The following OPCML variants were observed in gnomAD, a reference collection of about 807,000 sequenced individuals.
OPCML encodes opioid-binding protein/cell adhesion molecule.
Under a neutral mutation model 37.8 loss-of-function variants are expected in OPCML, and 13 were observed. The observed-to-expected ratio is 0.34, with a 90% CI of 0.22 to 0.55. The LOEUF (loss-of-function observed/expected upper bound fraction) is 0.55, where lower values mean the gene tolerates loss of function less well. OPCML is among the 20% of genes least tolerant of loss of function. The pLI, the probability that OPCML is intolerant of heterozygous loss-of-function variation, is 0.91. For missense variants in OPCML, 341 were observed against 435.6 expected, an observed-to-expected ratio of 0.78 and a Z score of 1.93; for synonymous variants, 176 against 168.8, an observed-to-expected ratio of 1.04 and a Z score of -0.33.
intron 4 of OPCML, among the ~76,000 whole-genome samples, chr11:132,519,368 G>C (rs574182740): frequency 6.6e-6 from 1 of 151,992 alleles, no homozygotes; most frequent in Non-Finnish European, 1.5e-5. Context: ...GCACAGTGAC[G>C]CTTGCTGAAG....
chr11:132,693,813 C>T (rs1310190207), intron 2 of OPCML, among the ~76,000 whole-genome samples: 1 of 152,072 alleles, frequency 6.6e-6, no homozygotes, highest in African/African-American at 2.4e-5. Context: ...ATTCCTTTCT[C>T]TTTTATTGGG....
chr11:132,657,028 A>T (rs1436830652), intron 3 of OPCML, 59 bp downstream of exon 3: 1 of 1,584,294 alleles, frequency 6.3e-7, no homozygotes, highest in African/African-American at 1.3e-5. Flanking sequence ...AAACACCAAC[A>T]CTGTTCTTCC....
At chr11:132,691,819 C>A (rs754582276) in intron 2 of OPCML, among the ~76,000 whole-genome samples, 5 of 152,210 alleles carry the variant, frequency 3.3e-5, no homozygotes, top group Non-Finnish European at 7.3e-5. Context: ...CATGTCTCTT[C>A]TTTTTCCAGA....
intron 3 of OPCML, among the ~76,000 whole-genome samples, chr11:132,535,931 T>C (rs78593755): frequency 0.013 from 1,950 of 152,290 alleles, 41 homozygotes; most frequent in African/African-American, 0.039. Flanking sequence ...TGTCAAGAAC[T>C]CCCACGTTGT....
chr11:133,513,286 T>C (rs1264313545), intron 1 of OPCML, among the ~76,000 whole-genome samples: 3 of 152,218 alleles, frequency 2.0e-5, no homozygotes, highest in Non-Finnish European at 4.4e-5. Context: ...TTTTCTGACA[T>C]TTAAATGACA....
At chr11:133,493,488 A>T (rs1356754940) in intron 1 of OPCML, among the ~76,000 whole-genome samples, 1 of 152,172 alleles carries the variant, frequency 6.6e-6, no homozygotes, top group Non-Finnish European at 1.5e-5. Context: ...TAAACATAGC[A>T]TTTTATAACC....
chr11:133,364,854 G>A (rs535685675), intron 1 of OPCML, among the ~76,000 whole-genome samples: 2 of 152,238 alleles, frequency 1.3e-5, no homozygotes, highest in South Asian at 4.1e-4. Flanking sequence ...TGTGGGGGGT[G>A]TGTGGTGAGG....
chr11:132,711,904 C>A (rs747956221), intron 2 of OPCML, among the ~76,000 whole-genome samples: 53 of 152,286 alleles, frequency 3.5e-4, no homozygotes, highest in Non-Finnish European at 6.8e-4. Flanking sequence ...ATGGTATACA[C>A]AAGGATTAAC....
Position 133,493,041 on chromosome 11 carries a change from C to T in OPCML, c.61+39223G>A, listed in dbSNP as rs1947699969. Among the ~76,000 whole-genome samples the T allele has an allele frequency of 2.0e-5, 3 of 152,168 alleles. No homozygotes were observed. The South Asian group carries it at 6.2e-4, about 32-fold the overall frequency. ...GGACCACCTGTCAGTCCTTCGGAGC[C>T]CAGTATCTGCATCTCAAACTGAGGG... On this transcript the variant is annotated intron_variant, in intron 1 of 7. Coordinates refer to ENST00000524381, the MANE Select transcript of OPCML (RefSeq NM_001012393.5).
At chr11:133,238,525 C>T (rs1037699778) in intron 1 of OPCML, among the ~76,000 whole-genome samples, 4 of 152,126 alleles carry the variant, frequency 2.6e-5, no homozygotes, top group Admixed American at 6.5e-5. Context: ...TTAGAATCAC[C>T]GGTGTGGCTC....
intron 2 of OPCML, among the ~76,000 whole-genome samples, chr11:132,708,331 C>T (rs776041752): frequency 6.6e-6 from 1 of 152,156 alleles, no homozygotes; most frequent in East Asian, 1.9e-4. Flanking sequence ...TCCCAACATA[C>T]ATACACTTTC....
intron 4 of OPCML, among the ~76,000 whole-genome samples, chr11:132,446,999 G>A (rs1252627626): frequency 2.0e-5 from 3 of 152,282 alleles, no homozygotes; most frequent in South Asian, 2.1e-4. Context: ...ACCTAAGGGC[G>A]CTTTGGCAAA....
intron 1 of OPCML, among the ~76,000 whole-genome samples, chr11:133,333,440 T>C (rs1179565510): frequency 6.6e-6 from 1 of 152,064 alleles, no homozygotes; most frequent in Non-Finnish European, 1.5e-5. Flanking sequence ...TAGCTAGCCA[T>C]ATGCAGAAGA....
rs1210742440 is a variant in OPCML, at chr11:133,458,725, A to C, written c.61+73539T>G. ...CACATAGATGCACGTGTGTGTATATATACACATAGATGCACGTGTGTGTAT... is the reference window on the plus strand; with the variant it reads ...CACATAGATGCACGTGTGTGTATATCTACACATAGATGCACGTGTGTGTAT... On this transcript the variant is annotated intron_variant, in intron 1 of 7. Transcript: ENST00000524381. 4.2e-5 allele frequency among the ~76,000 whole-genome samples: 6 copies of C among 143,138 alleles called. 1 individual carries two copies. Among genetic ancestry groups the C allele is most frequent in the South Asian group, 4.3e-4 (2 of 4,646 alleles). The allele number at this position is 143,138 out of a possible 152,430, so 93.9% of individuals were successfully genotyped here. A position where few individuals can be genotyped will look rare whatever the true frequency, so the allele number is the denominator to read the frequency against.
chr11:133,524,238 C>A (rs1193947777), intron 1 of OPCML, among the ~76,000 whole-genome samples: 1 of 152,182 alleles, frequency 6.6e-6, no homozygotes, highest in African/African-American at 2.4e-5. Context: ...ACAGCAAGAC[C>A]GTGAAATAGG....
chr11:132,633,827 T>C (rs1231664680), intron 3 of OPCML, among the ~76,000 whole-genome samples: 1 of 152,002 alleles, frequency 6.6e-6, no homozygotes, highest in Non-Finnish European at 1.5e-5. Context: ...GCATCAATAA[T>C]GTTTCCTTCC....
intron 1 of OPCML, among the ~76,000 whole-genome samples, chr11:133,221,863 C>T (rs1459931469): frequency 6.6e-6 from 1 of 152,140 alleles, no homozygotes; most frequent in Non-Finnish European, 1.5e-5. Context: ...GCCATTTCAA[C>T]AATTCTCGAT....
intron 1 of OPCML, among the ~76,000 whole-genome samples, chr11:133,247,309 C>T (rs1479196250): frequency 4.6e-5 from 7 of 152,254 alleles, no homozygotes; most frequent in Non-Finnish European, 8.8e-5. Context: ...TTCATGAGAG[C>T]ATCCAGTGAT....
intron 2 of OPCML, among the ~76,000 whole-genome samples, chr11:132,833,535 T>A (rs1940836050): frequency 6.6e-6 from 1 of 152,234 alleles, no homozygotes; most frequent in Non-Finnish European, 1.5e-5. Context: ...TCTAAAATAA[T>A]GATAAAAGGT....
Sources: allele counts gnomAD v4.1 joint callset (sites outside exome capture counted in the v4.1 genomes callset), GRCh38; gene constraint gnomAD v4.1.1; transcripts MANE v1.5; gene names NCBI Gene and HGNC (gene_info 2026-07-23, HGNC 2026-07-21).